Variants in FAHD1 observed in about 807,000 individuals in gnomAD.
FAHD1 encodes the protein oxaloacetate tautomerase FAHD1, mitochondrial.
Under a neutral mutation model 12.7 loss-of-function variants are expected in FAHD1, and 14 were observed. The observed-to-expected ratio is 1.10, with a 90% CI of 0.73 to 1.72. The LOEUF (loss-of-function observed/expected upper bound fraction) is 1.72. Ranked by LOEUF, FAHD1 falls within the 40% of genes most tolerant of loss-of-function variation. FAHD1 has a pLI of 0.00. For missense variants in FAHD1, 351 were observed against 298.9 expected, an observed-to-expected ratio of 1.17 and a Z score of -1.29; for synonymous variants, 153 against 124.9, an observed-to-expected ratio of 1.22 and a Z score of -1.50.
Position 1,827,619 on chromosome 16 carries a change from G to A in FAHD1, c.381G>A (p.Pro127=), listed in dbSNP as rs144517611. 875 of 1,613,902 alleles carry A rather than the reference G, an allele frequency of 5.4e-4. 12 individuals carry two copies. In the South Asian group the frequency reaches 8.9e-3, roughly 17 times the overall value. ...CGAAGAGCTTCACGGCGTCCTGCCC[G>A]GTCAGCGCGTTCGTGCCCAAGGAGA... is the stretch of plus-strand genomic sequence containing the variant. Residue 127 remains proline, a synonymous_variant, in exon 1 of 1, where the codon CCG becomes CCA. Coordinates refer to ENST00000427358, the Ensembl canonical transcript of FAHD1.
At chr16:1,835,288 GAA>G (rs1230482644) in intron 1 of FAHD1, among the ~76,000 whole-genome samples, 2 of 151,886 alleles carry the variant, frequency 1.3e-5, no homozygotes, top group Non-Finnish European at 2.9e-5. Flanking sequence ...TATAACATAT[GAA>G]AAAGGGCTTA....
exon 2 of FAHD1, chr16:1,838,056 G>C (rs749823022): frequency 1.7e-6 from 2 of 1,147,630 alleles, no homozygotes; most frequent in Non-Finnish European, 2.4e-6. Flanking sequence ...GAGTGCAGCA[G>C]TGCTATCACA....
In FAHD1 at chr16:1,827,497, GC is replaced by G. The variant is rs1898508670; in HGVS notation, c.261del (p.Met88TrpfsTer13). On this transcript the variant is annotated frameshift_variant, in exon 1 of 1. Coordinates refer to ENST00000427358, the Ensembl canonical transcript of FAHD1. LOFTEE classifies it high-confidence loss of function. Reference sequence around the variant, plus strand: ...CTGCCGCGCAGTCCCCGAGGCTGCGGCCATGGACTACGTGGGCGGCTATGCC... The same window carrying G: ...CTGCCGCGCAGTCCCCGAGGCTGCGGCATGGACTACGTGGGCGGCTATGCC... The G allele has an allele frequency of 6.2e-7, 1 of 1,612,944 alleles. No individual in the cohort carries two copies.
At chr16:1,827,927 G>C in exon 1 of FAHD1, 2 of 1,603,954 alleles carry the variant, frequency 1.2e-6, no homozygotes, top group Non-Finnish European at 1.7e-6. Flanking sequence ...CAAGTTTCGA[G>C]AGAGAAGGGA....
At chr16:1,839,284 T>C in exon 3 of FAHD1, 1 of 1,613,474 alleles carries the variant, frequency 6.2e-7, no homozygotes, top group South Asian at 1.1e-5. Context: ...TCAGCAACAC[T>C]TCCTGTGAGA....
At chr16:1,833,563 T>C (rs984939712), downstream of FAHD1, among the ~76,000 whole-genome samples, 8 of 148,352 alleles carry the variant, frequency 5.4e-5, no homozygotes, top group East Asian at 1.2e-3. Flanking sequence ...ACTTTTTTTT[T>C]TTTTTTTTTT....
downstream of FAHD1, chr16:1,829,005 C>A: frequency 1.3e-6 from 1 of 745,628 alleles, no homozygotes; most frequent in Non-Finnish European, 1.7e-6. Flanking sequence ...GACCTTTGGC[C>A]TTCTGAGCAC....
downstream of FAHD1, among the ~76,000 whole-genome samples, chr16:1,832,970 C>CAA (rs148801516): frequency 0.18 from 27,002 of 152,056 alleles, 2,543 homozygotes; most frequent in South Asian, 0.27. Flanking sequence ...ACATGACTGA[C>CAA]GATGGTTTAT....
exon 1 of FAHD1, chr16:1,827,440 G>C (rs752619417): frequency 1.9e-6 from 3 of 1,610,312 alleles, no homozygotes. Context: ...CCTGCACCAC[G>C]AGCTGGAGCT....
At chr16:1,828,404 G>A in exon 1 of FAHD1, 2 of 1,001,464 alleles carry the variant, frequency 2.0e-6, no homozygotes, top group South Asian at 9.3e-5. Flanking sequence ...AAACAGGCAA[G>A]TAAAGTATTT....
downstream of FAHD1, among the ~76,000 whole-genome samples, chr16:1,831,484 T>C (rs66591266): frequency 0.18 from 27,033 of 152,090 alleles, 2,555 homozygotes; most frequent in South Asian, 0.27. Flanking sequence ...CTCCCCGCCC[T>C]TTCCATAGCT....
intron 1 of FAHD1, among the ~76,000 whole-genome samples, chr16:1,836,020 T>C (rs11248895): frequency 0.18 from 26,929 of 151,820 alleles, 2,508 homozygotes; most frequent in South Asian, 0.27. Flanking sequence ...CCACCATGCC[T>C]GGCTAATTTT....
At chr16:1,836,583 T>C (rs1208906055) in intron 1 of FAHD1, among the ~76,000 whole-genome samples, 1 of 147,982 alleles carries the variant, frequency 6.8e-6, no homozygotes, top group African/African-American at 2.4e-5. Flanking sequence ...TGAAGAGGCC[T>C]CAAGCCGAGG....
At chr16:1,837,679 G>C in intron 1 of FAHD1, 1 of 597,224 alleles carries the variant, frequency 1.7e-6, no homozygotes, top group South Asian at 3.0e-5. Context: ...TGGGAACTGG[G>C]CATTAGAAAT....
downstream of FAHD1, among the ~76,000 whole-genome samples, chr16:1,833,685 C>T (rs1403212608): frequency 1.3e-5 from 2 of 151,696 alleles, no homozygotes; most frequent in Non-Finnish European, 2.9e-5. Context: ...CCTCAGCCTC[C>T]CGAGTAGCTG....
intron 1 of FAHD1, among the ~76,000 whole-genome samples, chr16:1,836,049 G>A (rs947219858): frequency 1.3e-5 from 2 of 151,944 alleles, no homozygotes; most frequent in Non-Finnish European, 2.9e-5. Context: ...TAGCAGAGAT[G>A]GGGTTTCACC....
chr16:1,837,657 C>A lies in FAHD1; in HGVS notation c.628-359C>A, dbSNP rs900620323. 7.6e-6 allele frequency: 4 copies of A among 525,194 alleles called. No homozygotes were observed. The African/African-American group carries it at 7.7e-5, about 10-fold the overall frequency. The allele number at this position is 525,194 out of a possible 1,614,324, so 32.5% of individuals were successfully genotyped here. A position where few individuals can be genotyped will look rare whatever the true frequency, so the allele number is the denominator to read the frequency against. On this transcript the variant is annotated intron_variant, in intron 1 of 2. Transcript: ENST00000382666. Reference sequence around the variant, plus strand: ...CCTTTGCTTTTAGGATAGCTGAATCCTTATGCACATCTGGGAACTGGGCAT... The same window carrying A: ...CCTTTGCTTTTAGGATAGCTGAATCATTATGCACATCTGGGAACTGGGCAT...
At chr16:1,833,838 G>A (rs2294628), downstream of FAHD1, 322 of 155,062 alleles carry the variant, frequency 2.1e-3, 7 homozygotes, top group East Asian at 0.056. Context: ...ATGAGCCACC[G>A]TGCCCAGCCC....
At chr16:1,832,181 T>C (rs1254549431), downstream of FAHD1, among the ~76,000 whole-genome samples, 1 of 91,704 alleles carries the variant, frequency 1.1e-5, no homozygotes, top group African/African-American at 3.9e-5. Flanking sequence ...GGTCATTCTT[T>C]TTTTTTTTTT....
Sources: allele counts gnomAD v4.1 joint callset (sites outside exome capture counted in the v4.1 genomes callset), GRCh38; gene constraint gnomAD v4.1.1; transcripts MANE v1.5; gene names NCBI Gene and HGNC (gene_info 2026-07-23, HGNC 2026-07-21).